Variants in MIPEP observed in about 807,000 individuals in gnomAD.
The protein encoded by MIPEP is mitochondrial intermediate peptidase.
Under a neutral mutation model 90.3 loss-of-function variants are expected in MIPEP, and 79 were observed. The observed-to-expected ratio is 0.87, with a 90% CI of 0.73 to 1.05. MIPEP has a LOEUF of 1.05. MIPEP is among the 50% of genes least tolerant of loss of function. The pLI, the probability that MIPEP is intolerant of heterozygous loss-of-function variation, is 0.00. For synonymous variants in MIPEP, 334 were observed against 315.8 expected (o/e 1.06, Z -0.61); for missense variants, 940 against 905.6 (o/e 1.04, Z -0.49).
chr13:23,791,616 C>G (rs534095885), intron 16 of MIPEP, among the ~76,000 whole-genome samples: 23 of 152,322 alleles, frequency 1.5e-4, no homozygotes, highest in African/African-American at 5.3e-4. Flanking sequence ...TCTATTCTCC[C>G]CTGCATCACT....
intron 10 of MIPEP, among the ~76,000 whole-genome samples, chr13:23,845,137 A>C (rs1050786753): frequency 6.6e-6 from 1 of 152,188 alleles, no homozygotes; most frequent in African/African-American, 2.4e-5. Flanking sequence ...TCGCAATTTT[A>C]TTTAACATAA....
chr13:23,847,484 A>C (rs1869599267), intron 10 of MIPEP, among the ~76,000 whole-genome samples: 1 of 132,398 alleles, frequency 7.6e-6, no homozygotes, highest in African/African-American at 2.6e-5. Context: ...AAAAAAACCC[A>C]AACAGAAAAC....
At chr13:23,744,052 C>A (rs115701870) in intron 18 of MIPEP, among the ~76,000 whole-genome samples, 1 of 152,208 alleles carries the variant, frequency 6.6e-6, no homozygotes, top group African/African-American at 2.4e-5. Context: ...ACATGCTTTC[C>A]TCATTTATTC....
In MIPEP at chr13:23,776,414, C is replaced by T. The variant is rs560410792; in HGVS notation, c.1849-16197G>A. 2.6e-5 allele frequency among the ~76,000 whole-genome samples: 4 copies of T among 152,308 alleles called. No homozygotes were observed. The South Asian group carries it at 6.2e-4, about 24-fold the overall frequency. On this transcript the variant is annotated intron_variant, in intron 16 of 18. Coordinates refer to ENST00000382172, the MANE Select transcript of MIPEP (RefSeq NM_005932.4). ...ACTGTGGCTTAAGCTAGGGTAAAAT[C>T]TGAAGCAGAAGCAACTAAGCCCAGA...
At chr13:23,774,046 T>C (rs533997919) in intron 16 of MIPEP, among the ~76,000 whole-genome samples, 129 of 152,332 alleles carry the variant, frequency 8.5e-4, no homozygotes, top group African/African-American at 3.0e-3. Flanking sequence ...CTTCTAGGAA[T>C]ATTCCAGTTT....
chr13:23,857,331 C>T (rs1870087128), intron 10 of MIPEP, among the ~76,000 whole-genome samples: 1 of 152,100 alleles, frequency 6.6e-6, no homozygotes, highest in Non-Finnish European at 1.5e-5. Flanking sequence ...AAGACTGATG[C>T]TGAATTTGAG....
At chr13:23,856,575 G>C (rs73442182) in intron 10 of MIPEP, among the ~76,000 whole-genome samples, 1 of 152,080 alleles carries the variant, frequency 6.6e-6, no homozygotes, top group African/African-American at 2.4e-5. Context: ...CTAACTTCCC[G>C]GTCATTGGCC....
chr13:23,806,982 A>G (rs2137402950), intron 15 of MIPEP, among the ~76,000 whole-genome samples: 1 of 152,296 alleles, frequency 6.6e-6, no homozygotes, highest in East Asian at 1.9e-4. Flanking sequence ...AGATGTATCG[A>G]AGAATTCTGA....
At chr13:23,868,393 G>C (rs1160247422) in intron 7 of MIPEP, among the ~76,000 whole-genome samples, 1 of 152,176 alleles carries the variant, frequency 6.6e-6, no homozygotes, top group Non-Finnish European at 1.5e-5. Context: ...AAGTAAGATT[G>C]AGTGCATTTA....
At chr13:23,829,088 T>C (rs1397879499) in intron 14 of MIPEP, among the ~76,000 whole-genome samples, 3 of 152,204 alleles carry the variant, frequency 2.0e-5, no homozygotes, top group Admixed American at 6.5e-5. Context: ...AATTACTCAC[T>C]AAATGGTGCT....
intron 10 of MIPEP, among the ~76,000 whole-genome samples, chr13:23,843,714 CAGG>C (rs1178128735): frequency 6.6e-6 from 1 of 152,106 alleles, no homozygotes; most frequent in African/African-American, 2.4e-5. Flanking sequence ...GGAGGGCTGA[CAGG>C]AGGACAGACT....
At chr13:23,858,430 G>A (rs1210294002) in intron 10 of MIPEP, among the ~76,000 whole-genome samples, 2 of 136,908 alleles carry the variant, frequency 1.5e-5, no homozygotes, top group East Asian at 4.2e-4. Flanking sequence ...ACATAAGAGC[G>A]CCACTGCACT....
chr13:23,870,759 C>G (rs1432115479), intron 5 of MIPEP, among the ~76,000 whole-genome samples: 2 of 151,984 alleles, frequency 1.3e-5, no homozygotes, highest in African/African-American at 4.8e-5. Flanking sequence ...GAGCCGAGAT[C>G]GCACCACTGT....
intron 14 of MIPEP, among the ~76,000 whole-genome samples, chr13:23,812,743 T>C (rs1191583465): frequency 6.6e-6 from 1 of 152,194 alleles, no homozygotes; most frequent in Admixed American, 6.5e-5. Flanking sequence ...GAAGGGGACA[T>C]AGGACCTCTC....
intron 14 of MIPEP, among the ~76,000 whole-genome samples, chr13:23,814,394 T>C (rs995527006): frequency 2.0e-5 from 3 of 152,124 alleles, no homozygotes; most frequent in Non-Finnish European, 2.9e-5. Context: ...GTAGAGTAGC[T>C]GGGACTACAG....
chr13:23,829,246 G>T (rs1256026079), intron 14 of MIPEP, among the ~76,000 whole-genome samples: 1 of 152,200 alleles, frequency 6.6e-6, no homozygotes, highest in Admixed American at 6.5e-5. Flanking sequence ...TGGGTATGGT[G>T]GCTCACGCCT....
intron 16 of MIPEP, among the ~76,000 whole-genome samples, chr13:23,794,573 G>A (rs1273243318): frequency 6.6e-5 from 10 of 152,126 alleles, no homozygotes; most frequent in Admixed American, 2.6e-4. Flanking sequence ...CATCATTTAA[G>A]ATACAAAAGT....
chr13:23,740,075 G>C (rs1952309249), intron 18 of MIPEP, among the ~76,000 whole-genome samples: 1 of 152,180 alleles, frequency 6.6e-6, no homozygotes, highest in Non-Finnish European at 1.5e-5. Flanking sequence ...CATCTGGCAA[G>C]GTCTGATGAC....
intron 18 of MIPEP, among the ~76,000 whole-genome samples, chr13:23,738,159 C>A (rs1237160765): frequency 6.6e-6 from 1 of 152,032 alleles, no homozygotes; most frequent in Non-Finnish European, 1.5e-5. Flanking sequence ...AAACAAACAA[C>A]CCCAAAAAAG....
Sources: allele counts gnomAD v4.1 joint callset (sites outside exome capture counted in the v4.1 genomes callset), GRCh38; gene constraint gnomAD v4.1.1; transcripts MANE v1.5; gene names NCBI Gene and HGNC (gene_info 2026-07-23, HGNC 2026-07-21).